Variants in C10orf90 observed in about 807,000 individuals in gnomAD.
C10orf90 encodes chromosome 10 open reading frame 90.
In C10orf90, 56 loss-of-function variants were observed where a neutral mutation model predicts 62.5. The observed-to-expected ratio is 0.90, with a 90% CI of 0.72 to 1.12. The LOEUF (loss-of-function observed/expected upper bound fraction) is 1.12, where lower values mean the gene tolerates loss of function less well. Among genes scored for constraint, C10orf90 ranks in the 50% most tolerant of loss-of-function variants. The pLI is 0.00. For missense variants in C10orf90, 970 were observed against 880.4 expected (o/e 1.10, Z -1.29); for synonymous variants, 386 against 340.4 (o/e 1.13, Z -1.47).
At chr10:126,435,535 A>G (rs1371889523) in intron 7 of C10orf90, among the ~76,000 whole-genome samples, 1 of 152,180 alleles carries the variant, frequency 6.6e-6, no homozygotes, top group Non-Finnish European at 1.5e-5. Flanking sequence ...ACGCCCCACC[A>G]TGAACACTGG....
At chr10:126,498,738 T>C (rs996479959) in intron 4 of C10orf90, among the ~76,000 whole-genome samples, 2 of 152,214 alleles carry the variant, frequency 1.3e-5, no homozygotes, top group African/African-American at 4.8e-5. Context: ...CAAGTTCACA[T>C]ATCTTCCTGG....
intron 7 of C10orf90, among the ~76,000 whole-genome samples, chr10:126,451,091 C>G (rs912222880): frequency 6.6e-6 from 1 of 151,682 alleles, no homozygotes; most frequent in South Asian, 2.1e-4. Flanking sequence ...TGAGAAAACA[C>G]GCAACATCAC....
chr10:126,490,082 TAATAATA>T (rs1349555790), intron 4 of C10orf90, among the ~76,000 whole-genome samples: 2 of 120,962 alleles, frequency 1.7e-5, no homozygotes, highest in Admixed American at 1.0e-4. Context: ...TATAATATAA[TAATAATA>T]TATAATATAT....
chr10:126,604,190 C>T, intron 2 of C10orf90, among the ~76,000 whole-genome samples: 1 of 152,214 alleles, frequency 6.6e-6, no homozygotes, highest in East Asian at 1.9e-4. Flanking sequence ...CATCTGACCT[C>T]TCGGCCTTGC....
chr10:126,591,139 T>G (rs552493963), intron 2 of C10orf90, among the ~76,000 whole-genome samples: 1 of 152,210 alleles, frequency 6.6e-6, no homozygotes, highest in East Asian at 1.9e-4. Flanking sequence ...CGGTACCACT[T>G]CTACTGAAAC....
chr10:126,615,765 A>G (rs749064691), intron 2 of C10orf90, among the ~76,000 whole-genome samples: 1 of 152,204 alleles, frequency 6.6e-6, no homozygotes, highest in Non-Finnish European at 1.5e-5. Context: ...TCACCATAAG[A>G]GATGGGGAAA....
chr10:126,544,545 T>G (rs1052957796), intron 2 of C10orf90, among the ~76,000 whole-genome samples: 3 of 141,188 alleles, frequency 2.1e-5, no homozygotes, highest in African/African-American at 5.7e-5. Flanking sequence ...ATGTGAGAGG[T>G]TTTTTTTTTT....
Position 126,646,611 on chromosome 10 carries a change from G to A in C10orf90, c.267C>T (p.Pro89=). The change falls in exon 2 of 10, where the codon CCC becomes CCT. Residue 89 remains proline (P), a synonymous_variant. Coordinates refer to ENST00000488181, the MANE Select transcript of C10orf90 (RefSeq NM_001350921.2). ...TTCTTTCCCAGGCAGAATGATCTTTGGGGGATGAGAAGAGTCGACTGTGGA... is the reference window on the plus strand; with the variant it reads ...TTCTTTCCCAGGCAGAATGATCTTTAGGGGATGAGAAGAGTCGACTGTGGA... ...YEIHSRLFSS[P]KDHSAWERNE... 2 of 449,136 alleles carry A rather than the reference G, an allele frequency of 4.5e-6. No homozygotes were observed. Among genetic ancestry groups the A allele is most frequent in the South Asian group, 3.2e-5 (2 of 62,754 alleles). The allele number at this position is 449,136 out of a possible 1,614,324, so 27.8% of individuals were successfully genotyped here.
chr10:126,426,018 G>C lies in C10orf90; in HGVS notation c.2325C>G (p.Asn775Lys). The change falls in exon 9 of 10, where the codon AAC becomes AAG. Residue 775 changes from asparagine to lysine, a missense_variant. Coordinates refer to ENST00000488181, the MANE Select transcript of C10orf90 (RefSeq NM_001350921.2). ...TTTTGAAGACTTCGGCACGGAGTCT[G>C]TTACTTTGTAAGATCACCCTTTTCC... is the stretch of plus-strand genomic sequence containing the variant. ...EQRKRVILQS[N>K]RLRAEVFKKQ... 6.2e-7 allele frequency: 1 copy of C among 1,614,186 alleles called. No individual in the cohort carries two copies. The highest frequency in any genetic ancestry group is 8.5e-7 in the Non-Finnish European group (1 of 1,180,002).
At chr10:126,493,709 G>T (rs899599275) in intron 4 of C10orf90, among the ~76,000 whole-genome samples, 1 of 152,134 alleles carries the variant, frequency 6.6e-6, no homozygotes, top group African/African-American at 2.4e-5. Context: ...CAAATGAAAT[G>T]AAGAAGAAAC....
At chr10:126,492,614 GAAGAA>G (rs1300086279) in intron 4 of C10orf90, among the ~76,000 whole-genome samples, 3 of 152,148 alleles carry the variant, frequency 2.0e-5, no homozygotes, top group Non-Finnish European at 4.4e-5. Context: ...GAAGAAAACT[GAAGAA>G]AATAGAGGTG....
chr10:126,557,353 G>A (rs183743214), intron 2 of C10orf90, among the ~76,000 whole-genome samples: 1,732 of 151,920 alleles, frequency 0.011, 27 homozygotes, highest in African/African-American at 0.037. Flanking sequence ...TGGTGGCGGC[G>A]CCTGTAGTCC....
chr10:126,521,017 G>A (rs796877690), intron 2 of C10orf90, among the ~76,000 whole-genome samples: 13 of 152,312 alleles, frequency 8.5e-5, no homozygotes, highest in African/African-American at 3.1e-4. Flanking sequence ...ACAGGGATCA[G>A]GGGTTAGGCC....
intron 2 of C10orf90, among the ~76,000 whole-genome samples, chr10:126,522,234 C>T (rs1863778802): frequency 1.3e-5 from 2 of 151,782 alleles, no homozygotes; most frequent in Non-Finnish European, 2.9e-5. Context: ...CACCATTGTA[C>T]TCCAGCCTGG....
intron 2 of C10orf90, among the ~76,000 whole-genome samples, chr10:126,565,862 C>T (rs1844375716): frequency 6.6e-6 from 1 of 152,180 alleles, no homozygotes; most frequent in Non-Finnish European, 1.5e-5. Context: ...AGATGCTGTG[C>T]TGCACATGCA....
intron 2 of C10orf90, among the ~76,000 whole-genome samples, chr10:126,526,591 A>G (rs1863955083): frequency 6.6e-6 from 1 of 152,264 alleles, no homozygotes; most frequent in East Asian, 1.9e-4. Flanking sequence ...TTTACAAGCC[A>G]TACAGTTTAC....
chr10:126,511,400 T>C (rs1863099520), intron 3 of C10orf90, among the ~76,000 whole-genome samples: 1 of 151,990 alleles, frequency 6.6e-6, no homozygotes, highest in Admixed American at 6.5e-5. Flanking sequence ...TAGCCATTTT[T>C]AAGTGTACAA....
At chr10:126,612,472 C>T (rs1040895801) in intron 2 of C10orf90, among the ~76,000 whole-genome samples, 1 of 152,188 alleles carries the variant, frequency 6.6e-6, no homozygotes, top group African/African-American at 2.4e-5. Flanking sequence ...CGTGGCCACC[C>T]TGTGAGAGAC....
chr10:126,507,681 G>T (rs1223060019), intron 3 of C10orf90, among the ~76,000 whole-genome samples: 1 of 152,052 alleles, frequency 6.6e-6, no homozygotes, highest in Non-Finnish European at 1.5e-5. Context: ...TCAGCCCAGG[G>T]TTCATCAGTC....
Sources: allele counts gnomAD v4.1 joint callset (sites outside exome capture counted in the v4.1 genomes callset), GRCh38; gene constraint gnomAD v4.1.1; transcripts MANE v1.5; gene names NCBI Gene and HGNC (gene_info 2026-07-23, HGNC 2026-07-21).